The following TNPO3 variants were observed in gnomAD, a reference collection of about 807,000 sequenced individuals.
TNPO3 encodes the protein transportin-3.
Under a neutral mutation model 122.8 loss-of-function variants are expected in TNPO3, and 65 were observed. The ratio of observed to expected loss-of-function variants is 0.53; its 90% CI spans 0.43 to 0.65. The LOEUF (loss-of-function observed/expected upper bound fraction) is 0.65, where lower values mean the gene tolerates loss of function less well. Among genes scored for constraint, TNPO3 ranks in the 30% least tolerant of loss-of-function variants. The probability of loss-of-function intolerance (pLI) is 0.00; values close to 1 mark genes in which losing one functional copy is unlikely to be tolerated. For synonymous variants in TNPO3, 372 were observed against 411.2 expected, an observed-to-expected ratio of 0.90 and a Z score of 1.15; for missense variants, 850 against 1,136.7, an observed-to-expected ratio of 0.75 and a Z score of 3.63.
At chr7:128,964,610 C>T (rs554659117) in intron 21 of TNPO3, among the ~76,000 whole-genome samples, 1 of 152,138 alleles carries the variant, frequency 6.6e-6, no homozygotes, top group Non-Finnish European at 1.5e-5. Flanking sequence ...GCTGGGATTA[C>T]AGGCGTGAGC....
intron 6 of TNPO3, 146 bp from the exon 7 acceptor site, chr7:129,000,713 G>A: frequency 3.7e-6 from 3 of 812,220 alleles, no homozygotes; most frequent in South Asian, 3.9e-5. Context: ...CAATCCCCAT[G>A]ACAGACACCT....
rs1280934409 is a variant in TNPO3 at position 129,012,008 on chromosome 7, T to TC, written c.552+2970_552+2971insG. On this transcript the variant is annotated intron_variant, in intron 4 of 22. Transcript: ENST00000265388. ...TTTCTTTTTTCTTTTTCTTTCTTTT[T>TC]TTTTTTTTTTTTTTTGAGATGGAGT... Among the ~76,000 whole-genome samples the TC allele has an allele frequency of 5.5e-5, 8 of 145,282 alleles. No individual in the cohort carries two copies. The South Asian group carries it at 8.8e-4, about 16-fold the overall frequency.
chr7:128,986,677 C>A, intron 12 of TNPO3, 52 bp downstream of exon 12: 2 of 1,499,610 alleles, frequency 1.3e-6, no homozygotes, highest in East Asian at 2.3e-5. Flanking sequence ...TGTAAGATTA[C>A]CCCAGGTAGT....
intron 1 of TNPO3, among the ~76,000 whole-genome samples, chr7:129,036,821 T>TA (rs1266507647): frequency 6.6e-6 from 1 of 151,982 alleles, no homozygotes; most frequent in East Asian, 1.9e-4. Context: ...ATTCTGGAAG[T>TA]AAAAAAATAC....
At chr7:129,031,454 TAAAC>T (rs1452861576) in intron 1 of TNPO3, among the ~76,000 whole-genome samples, 1 of 151,950 alleles carries the variant, frequency 6.6e-6, no homozygotes, top group East Asian at 1.9e-4. Context: ...TTACATGAAA[TAAAC>T]AAATTCCTAG....
intron 21 of TNPO3, among the ~76,000 whole-genome samples, chr7:128,959,040 T>C (rs1409676573): frequency 6.6e-6 from 1 of 152,210 alleles, no homozygotes; most frequent in African/African-American, 2.4e-5. Flanking sequence ...AGAAAGGTCT[T>C]TTGGCTTTAT....
At position 128,955,370 on chromosome 7, in the gene TNPO3, A is replaced by T. The variant is rs1340572144; in HGVS notation, c.*47T>A. The T allele has an allele frequency of 2.2e-6, 1 of 456,428 alleles. No individual in the cohort carries two copies. The highest frequency in any genetic ancestry group is 4.4e-6 in the Non-Finnish European group (1 of 226,876). 28.3% of individuals were successfully genotyped at this position (456,428 alleles called of 1,614,324 possible). ...GTTTTTGTTTTCTTCCTGTCTTCTA[A>T]TTAAAAAAGACATTCCTGACAAAAG... On this transcript the variant is annotated 3_prime_UTR_variant, in exon 23 of 23. Transcript: ENST00000265388.
At chr7:129,038,613 A>T (rs543451736) in intron 1 of TNPO3, among the ~76,000 whole-genome samples, 1 of 152,344 alleles carries the variant, frequency 6.6e-6, no homozygotes, top group Non-Finnish European at 1.5e-5. Context: ...GGATAAAGAA[A>T]ATGTGGTAGA....
chr7:128,992,105 G>C lies in TNPO3; in HGVS notation c.1267-15C>G. 1 of 1,458,416 alleles carries C rather than the reference G, an allele frequency of 6.9e-7. No individual in the cohort carries two copies. Among genetic ancestry groups the C allele is most frequent in the Non-Finnish European group, 9.5e-7 (1 of 1,057,548 alleles). The allele number at this position is 1,458,416 out of a possible 1,614,324, so 90.3% of individuals were successfully genotyped here. On this transcript the variant is annotated splice_polypyrimidine_tract_variant and intron_variant, in intron 9 of 22. Coordinates refer to ENST00000265388, the MANE Select transcript of TNPO3 (RefSeq NM_012470.4). ...GTAGAATATAACTAGAGAAGAAGAGGTGGATTATGGATCCATTAAAAGGAA... is the reference window on the plus strand; with the variant it reads ...GTAGAATATAACTAGAGAAGAAGAGCTGGATTATGGATCCATTAAAAGGAA...
In TNPO3 at chr7:128,990,019, G is replaced by T; in HGVS notation, c.1440C>A (p.Thr480=). ...TCATCTCTCCAACCAATTCAATGCT[G>T]GTGTATCGCACAGCCGTATGTACGG... ...PETVHTAVRY[T]SIELVGEMSE... Residue 480 remains threonine (T), a synonymous_variant, in exon 11 of 23, where the codon ACC becomes ACA. Coordinates refer to ENST00000265388, the MANE Select transcript of TNPO3 (RefSeq NM_012470.4). 1 of 1,614,198 alleles carries T rather than the reference G, an allele frequency of 6.2e-7. No homozygotes were observed. The highest frequency in any genetic ancestry group is 8.5e-7 in the Non-Finnish European group (1 of 1,180,026).
chr7:129,026,125 CAAAAAAAAAAA>C (rs57663203), intron 1 of TNPO3, among the ~76,000 whole-genome samples: 19 of 99,154 alleles, frequency 1.9e-4, no homozygotes, highest in Non-Finnish European at 3.6e-4. Context: ...GACTCCGTCT[CAAAAAAAAAAA>C]AAAAAAAAAT....
chr7:129,052,556 A>AG (rs1488557647), intron 1 of TNPO3, among the ~76,000 whole-genome samples: 1 of 152,242 alleles, frequency 6.6e-6, no homozygotes, highest in Non-Finnish European at 1.5e-5. Flanking sequence ...AGATGATGTA[A>AG]GGTTGTAATA....
chr7:128,959,720 T>C (rs765432194), intron 21 of TNPO3, among the ~76,000 whole-genome samples: 1 of 152,064 alleles, frequency 6.6e-6, no homozygotes, highest in Non-Finnish European at 1.5e-5. Flanking sequence ...CCCATAGAAA[T>C]GGATCAAAAA....
intron 1 of TNPO3, among the ~76,000 whole-genome samples, chr7:129,030,761 A>G (rs1272830671): frequency 6.6e-6 from 1 of 152,138 alleles, no homozygotes; most frequent in East Asian, 1.9e-4. Flanking sequence ...TATAGGTCAC[A>G]CATTATATAT....
chr7:129,033,957 G>A (rs754890853), intron 1 of TNPO3, among the ~76,000 whole-genome samples: 15 of 149,980 alleles, frequency 1.0e-4, no homozygotes, highest in Admixed American at 2.7e-4. Context: ...TTGCACACCC[G>A]TGTTCAACTG....
At chr7:128,995,502 T>C (rs901155667) in intron 8 of TNPO3, among the ~76,000 whole-genome samples, 7 of 152,312 alleles carry the variant, frequency 4.6e-5, no homozygotes, top group East Asian at 3.9e-4. Context: ...GATGAGATAA[T>C]GGCTAACATT....
At chr7:128,970,574 G>C (rs930085746) in intron 19 of TNPO3, among the ~76,000 whole-genome samples, 4 of 152,088 alleles carry the variant, frequency 2.6e-5, no homozygotes, top group African/African-American at 4.8e-5. Flanking sequence ...AGAGATTAAT[G>C]CTTAGATTTT....
chr7:129,046,240 T>A (rs939381268), intron 1 of TNPO3, among the ~76,000 whole-genome samples: 6 of 151,460 alleles, frequency 4.0e-5, no homozygotes, highest in Admixed American at 3.3e-4. Context: ...AACTTTTACT[T>A]AATTTTAAGT....
chr7:129,046,756 C>T (rs1044915788), intron 1 of TNPO3, among the ~76,000 whole-genome samples: 2 of 152,052 alleles, frequency 1.3e-5, no homozygotes, highest in East Asian at 1.9e-4. Flanking sequence ...ACAATTATGG[C>T]GGAAGACGAA....
Sources: allele counts gnomAD v4.1 joint callset (sites outside exome capture counted in the v4.1 genomes callset), GRCh38; gene constraint gnomAD v4.1.1; transcripts MANE v1.5; gene names NCBI Gene and HGNC (gene_info 2026-07-23, HGNC 2026-07-21).